The following ITFG1 variants were observed in gnomAD, a reference collection of about 807,000 sequenced individuals.
ITFG1 encodes the protein integrin alpha FG-GAP repeat containing 1.
Under a neutral mutation model 81.8 loss-of-function variants are expected in ITFG1, and 34 were observed. The ratio of observed to expected loss-of-function variants is 0.42; its 90% CI spans 0.32 to 0.55. The LOEUF (loss-of-function observed/expected upper bound fraction) is 0.55. ITFG1 is among the 20% of genes least tolerant of loss of function. ITFG1 has a pLI of 0.17. For synonymous variants in ITFG1, 285 were observed against 270.6 expected, an observed-to-expected ratio of 1.05 and a Z score of -0.52; for missense variants, 672 against 755.4, an observed-to-expected ratio of 0.89 and a Z score of 1.29.
chr16:47,288,788 C>T (rs1227562257), intron 10 of ITFG1, among the ~76,000 whole-genome samples: 2 of 152,130 alleles, frequency 1.3e-5, no homozygotes, highest in African/African-American at 4.8e-5. Flanking sequence ...GTCCCAGCTA[C>T]TTGGGGCTGA....
At chr16:47,213,609 G>A (rs1441047799) in intron 14 of ITFG1, among the ~76,000 whole-genome samples, 1 of 152,134 alleles carries the variant, frequency 6.6e-6, no homozygotes, top group Non-Finnish European at 1.5e-5. Flanking sequence ...GCTATGTCAC[G>A]GGAGGGGAGG....
chr16:47,303,485 T>TTAGGGGGAA (rs1222732702), intron 10 of ITFG1, among the ~76,000 whole-genome samples: 1 of 26,724 alleles, frequency 3.7e-5, no homozygotes, highest in East Asian at 1.2e-3. Context: ...GCACTTAATC[T>TTAGGGGGAA]ATCAGCCTTA....
chr16:47,273,624 A>C (rs950505297), intron 10 of ITFG1, among the ~76,000 whole-genome samples: 1 of 152,140 alleles, frequency 6.6e-6, no homozygotes, highest in African/African-American at 2.4e-5. Context: ...TGTTACCTGA[A>C]TGAAAAAAGG....
chr16:47,271,450 AAGAC>A (rs1164624128), intron 10 of ITFG1, among the ~76,000 whole-genome samples: 3 of 152,334 alleles, frequency 2.0e-5, no homozygotes, highest in African/African-American at 7.2e-5. Context: ...TAAAATAAAA[AAGAC>A]AGGTAACAGA....
At position 47,367,734 on chromosome 16, in the gene ITFG1, C is replaced by T. The variant is rs372068365; in HGVS notation, c.721-1865G>A. Among the ~76,000 whole-genome samples the T allele has an allele frequency of 7.9e-5, 12 of 152,292 alleles. No individual in the cohort carries two copies. The South Asian group carries it at 2.1e-3, about 26-fold the overall frequency. ...GCAATGTTCCAACCACTTTAACACT[C>T]CATTGTCCCTGTGCAGAAACATGTT... On this transcript the variant is annotated intron_variant, in intron 7 of 17. Transcript: ENST00000320640.
intron 8 of ITFG1, among the ~76,000 whole-genome samples, chr16:47,336,861 G>A (rs1040471483): frequency 7.2e-5 from 11 of 152,000 alleles, no homozygotes; most frequent in African/African-American, 2.7e-4. Context: ...TACTCGGGAG[G>A]CTGAGGGAGA....
intron 6 of ITFG1, among the ~76,000 whole-genome samples, chr16:47,406,295 G>A (rs1814291184): frequency 6.6e-6 from 1 of 152,110 alleles, no homozygotes; most frequent in Non-Finnish European, 1.5e-5. Context: ...TATTTTCTAT[G>A]TCTGCTTAGA....
intron 8 of ITFG1, among the ~76,000 whole-genome samples, chr16:47,334,496 C>T (rs370331913): frequency 2.6e-4 from 40 of 152,234 alleles, no homozygotes; most frequent in East Asian, 3.9e-4. Context: ...GAGCAGTGAA[C>T]GCCAAAAAAT....
chr16:47,161,689 CTGTA>C, intron 16 of ITFG1, 57 bp downstream of exon 16: 3 of 1,041,214 alleles, frequency 2.9e-6, no homozygotes, highest in Non-Finnish European at 4.6e-6. Context: ...AAAGACATCA[CTGTA>C]TGTATAATTC....
intron 6 of ITFG1, among the ~76,000 whole-genome samples, chr16:47,426,709 T>G (rs1216882939): frequency 6.6e-6 from 1 of 151,978 alleles, no homozygotes; most frequent in East Asian, 1.9e-4. Context: ...GCACTAAATA[T>G]TTTTAACTTT....
chr16:47,359,628 T>G (rs149369439), intron 8 of ITFG1, among the ~76,000 whole-genome samples: 1 of 152,348 alleles, frequency 6.6e-6, no homozygotes, highest in African/African-American at 2.4e-5. Context: ...TCCAAACTCC[T>G]TGTTACCTTT....
intron 14 of ITFG1, among the ~76,000 whole-genome samples, chr16:47,163,914 TACAC>T (rs56117889): frequency 0.094 from 13,008 of 138,696 alleles, 632 homozygotes; most frequent in East Asian, 0.18. Context: ...GAAGCTCAAC[TACAC>T]ACACACACAC....
intron 7 of ITFG1, among the ~76,000 whole-genome samples, chr16:47,366,817 T>C (rs1464542607): frequency 6.6e-6 from 1 of 152,020 alleles, no homozygotes; most frequent in Non-Finnish European, 1.5e-5. Flanking sequence ...TCTGTCTGAG[T>C]AAAAAAATGA....
intron 8 of ITFG1, among the ~76,000 whole-genome samples, chr16:47,363,974 G>C (rs566951814): frequency 6.6e-6 from 1 of 152,134 alleles, no homozygotes; most frequent in Non-Finnish European, 1.5e-5. Context: ...ACTTCCTGGC[G>C]GTCAGTCACT....
chr16:47,256,866 A>G (rs1966144865), intron 12 of ITFG1, among the ~76,000 whole-genome samples: 1 of 152,234 alleles, frequency 6.6e-6, no homozygotes, highest in Admixed American at 6.5e-5. Context: ...TCTACAAAGT[A>G]CATGTGCCTT....
At chr16:47,265,773 AT>A (rs1467770802) in intron 10 of ITFG1, among the ~76,000 whole-genome samples, 1 of 152,208 alleles carries the variant, frequency 6.6e-6, no homozygotes, top group East Asian at 1.9e-4. Flanking sequence ...GACATGAAAT[AT>A]AAAGGGTCTA....
At position 47,423,493 on chromosome 16, in the gene ITFG1, T is replaced by G. The variant is rs138544700; in HGVS notation, c.655+5311A>C. Among the ~76,000 whole-genome samples the G allele has an allele frequency of 7.1e-3, 1,086 of 152,306 alleles. 17 individuals are homozygous for G. Among genetic ancestry groups the G allele is most frequent in the African/African-American group, 0.025 (1,041 of 41,564 alleles). ...TGTCATTATGATGCTCGCTGGTTAT[T>G]TTGCCCGTTAATTGATGCAGTTTCT... is the stretch of plus-strand genomic sequence containing the variant. On this transcript the variant is annotated intron_variant, in intron 6 of 17. Coordinates refer to ENST00000320640, the MANE Select transcript of ITFG1 (RefSeq NM_030790.5).
At chr16:47,293,700 T>C (rs184578289) in intron 10 of ITFG1, among the ~76,000 whole-genome samples, 18 of 152,182 alleles carry the variant, frequency 1.2e-4, no homozygotes, top group Middle Eastern at 6.8e-3. Flanking sequence ...ATGGGGTTAC[T>C]TGTATTTGTT....
intron 14 of ITFG1, among the ~76,000 whole-genome samples, chr16:47,188,499 A>C (rs963480193): frequency 6.6e-6 from 1 of 150,712 alleles, no homozygotes; most frequent in Non-Finnish European, 1.5e-5. Flanking sequence ...CATTCTCAGT[A>C]AACTATTGCA....
Sources: gnomAD v4.1 joint callset for allele counts (sites outside exome capture counted in the v4.1 genomes callset) on GRCh38, gnomAD v4.1.1 for gene constraint, MANE v1.5 for transcripts, NCBI Gene and HGNC (gene_info 2026-07-23, HGNC 2026-07-21) for gene names.